The following SORCS1 variants were observed in gnomAD, a reference collection of about 807,000 sequenced individuals.
SORCS1 encodes the protein VPS10 domain-containing receptor SorCS1.
A neutral mutation model predicts 146.1 loss-of-function variants in SORCS1; 60 were observed. The ratio of observed to expected loss-of-function variants is 0.41; its 90% CI spans 0.33 to 0.51. The LOEUF (loss-of-function observed/expected upper bound fraction) is 0.51. SORCS1 is among the 20% of genes least tolerant of loss of function. The pLI, the probability that SORCS1 is intolerant of heterozygous loss-of-function variation, is 0.21. For synonymous variants in SORCS1, 637 were observed against 584.0 expected (o/e 1.09, Z -1.31); for missense variants, 1,352 against 1,487.6 (o/e 0.91, Z 1.50).
At chr10:106,916,577 C>T (rs60868793) in intron 2 of SORCS1, among the ~76,000 whole-genome samples, 5,310 of 129,214 alleles carry the variant, frequency 0.041, 297 homozygotes, top group African/African-American at 0.15. Flanking sequence ...CATATATATA[C>T]ACACACACAC....
chr10:106,998,813 AG>A (rs1957099970), intron 1 of SORCS1, among the ~76,000 whole-genome samples: 1 of 152,196 alleles, frequency 6.6e-6, no homozygotes. Flanking sequence ...GAGCTCCAAA[AG>A]TTTAGGACTT....
intron 1 of SORCS1, among the ~76,000 whole-genome samples, chr10:107,121,516 A>G (rs570727188): frequency 6.0e-4 from 92 of 152,206 alleles, no homozygotes; most frequent in Non-Finnish European, 9.3e-4. Context: ...AGAAGGCTAG[A>G]TGATGCCTGT....
intron 17 of SORCS1, among the ~76,000 whole-genome samples, chr10:106,653,116 TC>T (rs1377734600): frequency 2.6e-5 from 4 of 152,226 alleles, no homozygotes; most frequent in African/African-American, 9.6e-5. Context: ...GGCTAAATGA[TC>T]AAACCTCACA....
chr10:106,658,278 G>A (rs1239927382), intron 17 of SORCS1, among the ~76,000 whole-genome samples: 2 of 151,604 alleles, frequency 1.3e-5, no homozygotes, highest in Non-Finnish European at 2.9e-5. Context: ...TTCTGCCCGG[G>A]ATGCTCTTTC....
rs200639443 is a variant in SORCS1 at position 106,771,583 on chromosome 10, A to C, written c.885+4951T>G. On this transcript the variant is annotated intron_variant, in intron 4 of 25. Transcript: ENST00000263054. ...TGCCTACTGTTTAAATTATAGAAATAAAAAAAGTAAATTAATAAAAGAAAG... is the reference window on the plus strand; with the variant it reads ...TGCCTACTGTTTAAATTATAGAAATCAAAAAAGTAAATTAATAAAAGAAAG... Among the ~76,000 whole-genome samples the C allele has an allele frequency of 2.0e-5, 3 of 152,274 alleles. No homozygotes were observed. In the East Asian group the frequency reaches 5.8e-4, roughly 29 times the overall value.
chr10:106,899,780 T>C (rs115515536), intron 2 of SORCS1, among the ~76,000 whole-genome samples: 2,221 of 152,228 alleles, frequency 0.015, 69 homozygotes, highest in African/African-American at 0.051. Flanking sequence ...CTTCATAAGT[T>C]CCTGGCACCA....
At chr10:106,703,601 C>T in intron 8 of SORCS1, among the ~76,000 whole-genome samples, 1 of 152,200 alleles carries the variant, frequency 6.6e-6, no homozygotes, top group Non-Finnish European at 1.5e-5. Flanking sequence ...GAGCACAGCT[C>T]AGGGTGACTA....
intron 1 of SORCS1, among the ~76,000 whole-genome samples, chr10:107,052,821 T>C (rs1386764416): frequency 2.6e-5 from 4 of 152,136 alleles, no homozygotes; most frequent in Non-Finnish European, 5.9e-5. Context: ...AGGCCCTTAT[T>C]AGAACATTAG....
At chr10:106,639,200 A>G (rs1848905697) in intron 18 of SORCS1, among the ~76,000 whole-genome samples, 1 of 152,234 alleles carries the variant, frequency 6.6e-6, no homozygotes, top group South Asian at 2.1e-4. Context: ...TTACTCACTC[A>G]GGCGAGGATT....
At chr10:106,948,060 C>A (rs190142452) in intron 2 of SORCS1, among the ~76,000 whole-genome samples, 1 of 152,076 alleles carries the variant, frequency 6.6e-6, no homozygotes, top group East Asian at 1.9e-4. Context: ...TGGATAGACA[C>A]CCAAGAGTCA....
chr10:106,972,487 C>A (rs930590504), intron 1 of SORCS1, among the ~76,000 whole-genome samples: 1 of 151,364 alleles, frequency 6.6e-6, no homozygotes, highest in Non-Finnish European at 1.5e-5. Flanking sequence ...ATAACATAAT[C>A]TATCCTTCTC....
At chr10:106,577,874 T>G (rs1052132097) in intron 25 of SORCS1, 1 of 234,968 alleles carries the variant, frequency 4.3e-6, no homozygotes, top group East Asian at 1.1e-4. Flanking sequence ...GAAAGTGCAC[T>G]GTGAAAATCG....
At chr10:106,926,346 G>T (rs1377830228) in intron 2 of SORCS1, among the ~76,000 whole-genome samples, 2 of 152,146 alleles carry the variant, frequency 1.3e-5, no homozygotes, top group Non-Finnish European at 1.5e-5. Flanking sequence ...AAAAATAACT[G>T]AGTTTTAATA....
At chr10:106,930,062 C>T (rs1953322564) in intron 2 of SORCS1, among the ~76,000 whole-genome samples, 1 of 152,024 alleles carries the variant, frequency 6.6e-6, no homozygotes, top group African/African-American at 2.4e-5. Context: ...CTGGCTAACA[C>T]GGTGATGAGA....
At chr10:106,995,849 T>C (rs1956971026) in intron 1 of SORCS1, among the ~76,000 whole-genome samples, 1 of 152,146 alleles carries the variant, frequency 6.6e-6, no homozygotes, top group African/African-American at 2.4e-5. Context: ...AAAGATTTTA[T>C]TTTACTTATA....
chr10:106,836,165 T>C (rs890159884), intron 2 of SORCS1, among the ~76,000 whole-genome samples: 15 of 152,134 alleles, frequency 9.9e-5, no homozygotes, highest in Admixed American at 2.6e-4. Flanking sequence ...GTAACTAGCC[T>C]GCTTAAGACT....
chr10:107,059,410 A>C (rs548837447), intron 1 of SORCS1, among the ~76,000 whole-genome samples: 1 of 152,230 alleles, frequency 6.6e-6, no homozygotes, highest in Non-Finnish European at 1.5e-5. Context: ...AGGACCTTGA[A>C]ACAAAAGCAA....
intron 2 of SORCS1, among the ~76,000 whole-genome samples, chr10:106,893,738 T>C (rs1366379134): frequency 6.6e-6 from 1 of 152,100 alleles, no homozygotes; most frequent in Non-Finnish European, 1.5e-5. Context: ...TGGAAAAAAA[T>C]AGGAGAAAGA....
At chr10:106,849,587 G>A (rs1394061574) in intron 2 of SORCS1, among the ~76,000 whole-genome samples, 14 of 151,378 alleles carry the variant, frequency 9.2e-5, no homozygotes, top group African/African-American at 2.4e-4. Flanking sequence ...CTCTCAGCTC[G>A]TCAAAATCAT....
Sources: allele counts gnomAD v4.1 joint callset (sites outside exome capture counted in the v4.1 genomes callset), GRCh38; gene constraint gnomAD v4.1.1; transcripts MANE v1.5; gene names NCBI Gene and HGNC (gene_info 2026-07-23, HGNC 2026-07-21).